Variants in HEMK2 observed in about 807,000 individuals in gnomAD.
HEMK2 encodes HemK methyltransferase 2, ETF1 glutamine and histone H4 lysine.
the HEMK2 span, among the ~76,000 whole-genome samples, chr21:28,637,380 T>TA: frequency 6.6e-3 from 1,002 of 152,122 alleles, 16 homozygotes; most frequent in African/African-American, 0.023. Context: ...TCAAAGGGAT[T>TA]AAAAGATCAC....
chr21:28,702,855 C>T, the HEMK2 span, among the ~76,000 whole-genome samples: 1 of 152,138 alleles, frequency 6.6e-6, no homozygotes, highest in Non-Finnish European at 1.5e-5. Flanking sequence ...AAGATACATG[C>T]ACTTGTATGT....
the HEMK2 span, among the ~76,000 whole-genome samples, chr21:28,789,349 A>T: frequency 1.6e-4 from 25 of 152,240 alleles, no homozygotes; most frequent in South Asian, 1.0e-3. Context: ...ATAGCTCTCA[A>T]TTGTGGAAAG....
At chr21:28,759,674 C>A in the HEMK2 span, among the ~76,000 whole-genome samples, 2 of 152,132 alleles carry the variant, frequency 1.3e-5, no homozygotes, top group African/African-American at 2.4e-5. Context: ...ATAACTGAAT[C>A]ATGGGGCAGT....
At chr21:28,606,683 A>G in the HEMK2 span, among the ~76,000 whole-genome samples, 3 of 152,242 alleles carry the variant, frequency 2.0e-5, no homozygotes, top group Admixed American at 6.5e-5. Context: ...CAAGCTATGC[A>G]TTGAGCAACG....
At chr21:28,648,776 T>A in the HEMK2 span, among the ~76,000 whole-genome samples, 6 of 152,276 alleles carry the variant, frequency 3.9e-5, no homozygotes, top group Admixed American at 2.0e-4. Flanking sequence ...CTGTGTTTTC[T>A]TTTATTTATT....
the HEMK2 span, among the ~76,000 whole-genome samples, chr21:28,781,523 C>T: frequency 5.9e-5 from 9 of 152,100 alleles, no homozygotes; most frequent in African/African-American, 2.2e-4. Context: ...CTCACAGTTA[C>T]AGTAATACTA....
the HEMK2 span, among the ~76,000 whole-genome samples, chr21:28,784,796 G>A: frequency 2.6e-5 from 4 of 152,218 alleles, no homozygotes; most frequent in South Asian, 2.1e-4. Context: ...GGTAGGGCCA[G>A]ATAAGGGAAT....
chr21:28,612,114 A>G, the HEMK2 span, among the ~76,000 whole-genome samples: 29 of 151,900 alleles, frequency 1.9e-4, no homozygotes, highest in East Asian at 5.8e-4. Flanking sequence ...AGGAAAGGGC[A>G]TAACAAGAAA....
chr21:28,716,513 T>C, the HEMK2 span, among the ~76,000 whole-genome samples: 1 of 152,210 alleles, frequency 6.6e-6, no homozygotes, highest in South Asian at 2.1e-4. Context: ...AAGTCATTTA[T>C]TAGTTCTAGA....
chr21:28,879,080 C>CTTTTTTTT, the HEMK2 span, among the ~76,000 whole-genome samples: 2 of 98,656 alleles, frequency 2.0e-5, no homozygotes, highest in African/African-American at 3.9e-5. Context: ...TAGATTGTTT[C>CTTTTTTTT]TTTTTTTTTT....
At chr21:28,723,010 T>TAAA in the HEMK2 span, among the ~76,000 whole-genome samples, 1 of 143,204 alleles carries the variant, frequency 7.0e-6, no homozygotes, top group East Asian at 2.0e-4. Flanking sequence ...TTTCTTTTAT[T>TAAA]AAAAAAAAAA....
the HEMK2 span, among the ~76,000 whole-genome samples, chr21:28,704,970 C>T: frequency 3.9e-5 from 6 of 152,160 alleles, no homozygotes; most frequent in Non-Finnish European, 8.8e-5. Flanking sequence ...ATTTTACATT[C>T]GGAGTAACGG....
At chr21:28,602,850 T>A in the HEMK2 span, among the ~76,000 whole-genome samples, 1 of 152,236 alleles carries the variant, frequency 6.6e-6, no homozygotes, top group African/African-American at 2.4e-5. Flanking sequence ...GCAGTGCATC[T>A]GAGCAATCAA....
At chr21:28,670,908 A>G in the HEMK2 span, 2 of 152,234 alleles carry the variant, frequency 1.3e-5, no homozygotes, top group South Asian at 4.1e-4. Flanking sequence ...TCATGATCCA[A>G]TCACCTCCCA....
chr21:28,675,233 T>C, the HEMK2 span, among the ~76,000 whole-genome samples: 2 of 152,076 alleles, frequency 1.3e-5, no homozygotes, highest in African/African-American at 4.8e-5. Flanking sequence ...GGAAGTGAAA[T>C]AGCAACCTTT....
At chr21:28,716,154 T>TTTCTAA in the HEMK2 span, among the ~76,000 whole-genome samples, 1 of 152,236 alleles carries the variant, frequency 6.6e-6, no homozygotes, top group Non-Finnish European at 1.5e-5. Flanking sequence ...AACTTTAGTT[T>TTTCTAA]TTCTAATTCT....
At chr21:28,590,205 A>G in the HEMK2 span, among the ~76,000 whole-genome samples, 2 of 152,312 alleles carry the variant, frequency 1.3e-5, no homozygotes. Context: ...AGATTCAACT[A>G]TGGGTAAGAT....
chr21:28,643,635 A>G, the HEMK2 span, among the ~76,000 whole-genome samples: 1 of 152,166 alleles, frequency 6.6e-6, no homozygotes, highest in East Asian at 1.9e-4. Flanking sequence ...ACAGGACTGC[A>G]GCACTGCACT....
At chr21:28,639,547 A>C in the HEMK2 span, among the ~76,000 whole-genome samples, 1 of 152,234 alleles carries the variant, frequency 6.6e-6, no homozygotes, top group Non-Finnish European at 1.5e-5. Flanking sequence ...AGAACACAGA[A>C]GGAAATTCCA....
Sources: gnomAD v4.1 joint callset for allele counts (sites outside exome capture counted in the v4.1 genomes callset) on GRCh38, gnomAD v4.1.1 for gene constraint, MANE v1.5 for transcripts, NCBI Gene and HGNC (gene_info 2026-07-23, HGNC 2026-07-21) for gene names.